SMAD6: variants seen among roughly 807,000 people sequenced by gnomAD.
SMAD6 encodes SMAD family member 6, also known as MAD homolog 6.
Under a neutral mutation model 39.4 loss-of-function variants are expected in SMAD6, and 103 were observed. The ratio of observed to expected loss-of-function variants is 2.62; its 90% CI spans 2.23 to 3.08. The LOEUF (loss-of-function observed/expected upper bound fraction) is 3.08. Among genes scored for constraint, SMAD6 ranks in the 30% most tolerant of loss-of-function variants. The pLI is 0.00. For missense variants in SMAD6, 1,104 were observed against 742.9 expected, an observed-to-expected ratio of 1.49 and a Z score of -5.65; for synonymous variants, 445 against 353.3, an observed-to-expected ratio of 1.26 and a Z score of -2.91.
chr15:66,725,582 G>C (rs1893508047), intron 3 of SMAD6, among the ~76,000 whole-genome samples: 1 of 152,224 alleles, frequency 6.6e-6, no homozygotes, highest in African/African-American at 2.4e-5. Context: ...CCAGGGTAGT[G>C]CCAGTGCTGG....
At chr15:66,707,225 C>G (rs899937920) in intron 1 of SMAD6, 6 of 152,192 alleles carry the variant, frequency 3.9e-5, no homozygotes, top group African/African-American at 1.2e-4. Flanking sequence ...GCTCCTTTCT[C>G]CTGAAAGTAT....
At chr15:66,776,956 G>A (rs1440006162) in intron 3 of SMAD6, among the ~76,000 whole-genome samples, 2 of 152,152 alleles carry the variant, frequency 1.3e-5, no homozygotes, top group African/African-American at 4.8e-5. Flanking sequence ...AGAATCGCTT[G>A]AGCCTGGGAG....
intron 3 of SMAD6, among the ~76,000 whole-genome samples, chr15:66,742,305 C>CA (rs1156374062): frequency 6.6e-6 from 1 of 152,156 alleles, no homozygotes; most frequent in East Asian, 1.9e-4. Flanking sequence ...ATAATCCCAC[C>CA]AATGTCTGGT....
chr15:66,715,254 C>T (rs1457938372), intron 2 of SMAD6, among the ~76,000 whole-genome samples: 1 of 149,642 alleles, frequency 6.7e-6, no homozygotes, highest in African/African-American at 2.5e-5. Flanking sequence ...ACCTAGAACA[C>T]TCAGTCAGCA....
At chr15:66,756,042 A>T (rs1054507899) in intron 3 of SMAD6, among the ~76,000 whole-genome samples, 123 of 151,774 alleles carry the variant, frequency 8.1e-4, no homozygotes, top group African/African-American at 2.9e-3. Flanking sequence ...AAAAAAAAAA[A>T]AACTAATTAG....
rs181856192 is a variant in SMAD6 at position 66,729,452 on chromosome 15, C to G, written c.952+12954C>G. Among the ~76,000 whole-genome samples the G allele has an allele frequency of 2.6e-3, 403 of 152,360 alleles. 2 individuals are homozygous for G. Among genetic ancestry groups the G allele is most frequent in the African/African-American group, 8.9e-3 (372 of 41,594 alleles). On this transcript the variant is annotated intron_variant, in intron 3 of 3. Transcript: ENST00000288840. ...GTACCCCGGGAGCAGCCGGCCGGGT[C>G]TGCCTCTCTGGGCTGTAAATCTTGC...
rs1160035068 is a variant in SMAD6, at chr15:66,703,163, G to A, written c.-96G>A. On this transcript the variant is annotated 5_prime_UTR_variant, in exon 1 of 4. An upstream open reading frame in the 5' UTR gains an earlier in-frame stop. Transcript: ENST00000288840. ...GCGCTCCGCGGCGGAGCTTCATGTG[G>A]GGCTGCGACCCGCGCAGCCGGCGCC... is the stretch of plus-strand genomic sequence containing the variant. 3.3e-6 allele frequency: 3 copies of A among 913,084 alleles called. No homozygotes were observed. In the African/African-American group the frequency reaches 5.3e-5, roughly 16 times the overall value. The allele number at this position is 913,084 out of a possible 1,614,324, so 56.6% of individuals were successfully genotyped here. A position where few individuals can be genotyped will look rare whatever the true frequency, so the allele number is the denominator to read the frequency against.
chr15:66,745,848 A>T (rs1484256962), intron 3 of SMAD6, among the ~76,000 whole-genome samples: 4 of 152,106 alleles, frequency 2.6e-5, no homozygotes, highest in Non-Finnish European at 5.9e-5. Context: ...TTCTCTTTCT[A>T]GATAAGAACC....
rs868172579 is a variant in SMAD6 at position 66,703,393 on chromosome 15, G to A, written c.135G>A (p.Pro45=). The change falls in exon 1 of 4, where the codon CCG becomes CCA. Residue 45 remains proline (P), a synonymous_variant. Transcript: ENST00000288840. ...GGAGCTTGGGCAGCCGAGCTGAGCC[G>A]GCCCCGCGGGCAAGAGAGGGCGGAG... is the stretch of plus-strand genomic sequence containing the variant. The part of the protein sequence containing the change: ...EDGSLGSRAE[P]APRAREGGGC... The A allele has an allele frequency of 1.6e-5, 23 of 1,409,098 alleles. No homozygotes were observed. The highest frequency in any genetic ancestry group is 2.0e-5 in the Non-Finnish European group (22 of 1,081,070). 87.3% of individuals were successfully genotyped at this position (1,409,098 alleles called of 1,614,324 possible).
rs1243523820 is a variant in SMAD6, at chr15:66,781,820, TTTC to T, written c.*288_*290del. On this transcript the variant is annotated 3_prime_UTR_variant, in exon 4 of 4. Coordinates refer to ENST00000288840, the MANE Select transcript of SMAD6 (RefSeq NM_005585.5). ...TATAATTCTTTCAATACAGATATATTTTCTTTCTCTTCCTCCTTCCTCTTCCTT... is the reference window on the plus strand; with the variant it reads ...TATAATTCTTTCAATACAGATATATTTTTCTCTTCCTCCTTCCTCTTCCTT... 2.5e-6 allele frequency: 1 copy of T among 398,796 alleles called. No homozygotes were observed. Among genetic ancestry groups the T allele is most frequent in the Non-Finnish European group, 4.4e-6 (1 of 226,090 alleles). The allele number at this position is 398,796 out of a possible 1,614,324, so 24.7% of individuals were successfully genotyped here.
At chr15:66,713,459 G>A (rs1253831701) in intron 2 of SMAD6, among the ~76,000 whole-genome samples, 1 of 152,092 alleles carries the variant, frequency 6.6e-6, no homozygotes, top group Non-Finnish European at 1.5e-5. Context: ...AGCTGGGACT[G>A]CAGGCACGCG....
intron 2 of SMAD6, among the ~76,000 whole-genome samples, chr15:66,714,772 G>A (rs1296155805): frequency 6.6e-6 from 1 of 152,170 alleles, no homozygotes; most frequent in Non-Finnish European, 1.5e-5. Flanking sequence ...AGAAACACTA[G>A]ATGTGAGGGT....
At chr15:66,779,065 G>C (rs867556779) in intron 3 of SMAD6, among the ~76,000 whole-genome samples, 2 of 152,182 alleles carry the variant, frequency 1.3e-5, no homozygotes, top group Admixed American at 6.5e-5. Context: ...TCCCAGACCT[G>C]TGCCAGGTAG....
intron 3 of SMAD6, among the ~76,000 whole-genome samples, chr15:66,738,973 C>G (rs191162886): frequency 1.3e-5 from 2 of 152,146 alleles, no homozygotes; most frequent in Admixed American, 1.3e-4. Flanking sequence ...GGGTGTGGAT[C>G]GTGCTGTCCT....
In SMAD6 at chr15:66,703,696, CG is replaced by C. The variant is rs1595756920; in HGVS notation, c.442del (p.Ala148ArgfsTer33). ...APRDASDPLA[G>X]AALEPAGGGR... is the part of the protein sequence containing the mutation. ...CCCGGGACGCCAGCGACCCCCTGGC[CG>C]GGGCGGCCCTGGAGCCGGCGGGCGG... On this transcript the variant is annotated frameshift_variant, in exon 1 of 4. Transcript: ENST00000288840. LOFTEE classifies it high-confidence loss of function. The C allele has an allele frequency of 7.9e-7, 1 of 1,266,538 alleles. No individual in the cohort carries two copies. 78.5% of individuals were successfully genotyped at this position (1,266,538 alleles called of 1,614,324 possible).
chr15:66,742,839 C>T (rs1270564436), intron 3 of SMAD6, among the ~76,000 whole-genome samples: 1 of 152,154 alleles, frequency 6.6e-6, no homozygotes, highest in Non-Finnish European at 1.5e-5. Context: ...GCTCCCTGGC[C>T]TGAGGCCTGG....
chr15:66,777,473 C>T (rs1452458192), intron 3 of SMAD6, among the ~76,000 whole-genome samples: 1 of 152,182 alleles, frequency 6.6e-6, no homozygotes, highest in Non-Finnish European at 1.5e-5. Flanking sequence ...AAAGCAAGAC[C>T]TCATCTCTAC....
rs181821259 is a variant in SMAD6 at position 66,760,109 on chromosome 15, C to T, written c.953-20888C>T. Among the ~76,000 whole-genome samples the T allele has an allele frequency of 4.5e-4, 69 of 151,918 alleles. No homozygotes were observed. The East Asian group carries it at 9.5e-3, about 21-fold the overall frequency. On this transcript the variant is annotated intron_variant, in intron 3 of 3. Transcript: ENST00000288840. The stretch of plus-strand genomic sequence containing the variant: ...TCCTCCCCATCCCTCCCACCCTCCC[C>T]GCCACTGCACTCAGCCTTCAAATCC...
chr15:66,781,717 A>T lies in SMAD6; in HGVS notation c.*182A>T, dbSNP rs1894582749. ...ATATATATTATACTTGTAATTATGG[A>T]GTCATTTTTACAATGTAATTATTTA... On this transcript the variant is annotated 3_prime_UTR_variant, in exon 4 of 4. Coordinates refer to ENST00000288840, the MANE Select transcript of SMAD6 (RefSeq NM_005585.5). 2.4e-6 allele frequency: 1 copy of T among 417,970 alleles called. No homozygotes were observed. The highest frequency in any genetic ancestry group is 4.2e-6 in the Non-Finnish European group (1 of 238,906). 25.9% of individuals were successfully genotyped at this position (417,970 alleles called of 1,614,324 possible). A position where few individuals can be genotyped will look rare whatever the true frequency, so the allele number is the denominator to read the frequency against.
Sources: gnomAD v4.1 joint callset for allele counts (sites outside exome capture counted in the v4.1 genomes callset) on GRCh38, gnomAD v4.1.1 for gene constraint, MANE v1.5 for transcripts, NCBI Gene and HGNC (gene_info 2026-07-23, HGNC 2026-07-21) for gene names.